Variants in DAB1 observed in about 807,000 individuals in gnomAD.
DAB1 encodes DAB adaptor protein 1.
A neutral mutation model predicts 64.6 loss-of-function variants in DAB1; 15 were observed. That is an observed-to-expected ratio of 0.23 (90% CI 0.16 to 0.36). The LOEUF (loss-of-function observed/expected upper bound fraction) is 0.36. DAB1 is among the 10% of genes least tolerant of loss of function. DAB1 has a pLI of 1.00. For synonymous variants in DAB1, 235 were observed against 251.9 expected, an observed-to-expected ratio of 0.93 and a Z score of 0.64; for missense variants, 596 against 706.7, an observed-to-expected ratio of 0.84 and a Z score of 1.78.
At chr1:57,545,185 T>C (rs1371239666) in intron 7 of DAB1, among the ~76,000 whole-genome samples, 1 of 152,196 alleles carries the variant, frequency 6.6e-6, no homozygotes, top group East Asian at 1.9e-4. Flanking sequence ...TCTACATTCA[T>C]GTCTTCTTAA....
chr1:58,431,720 C>G (rs1226721893), intron 3 of DAB1, among the ~76,000 whole-genome samples: 1 of 152,132 alleles, frequency 6.6e-6, no homozygotes, highest in African/African-American at 2.4e-5. Context: ...TAACAGTTAG[C>G]TCCCTTCTTC....
chr1:57,470,618 T>C (rs1218207032), intron 7 of DAB1, among the ~76,000 whole-genome samples: 2 of 152,200 alleles, frequency 1.3e-5, no homozygotes, highest in East Asian at 1.9e-4. Context: ...TGTAGGAGGA[T>C]AGAATTCCCT....
chr1:57,421,902 C>CGGG (rs1309675216), intron 1 of DAB1, among the ~76,000 whole-genome samples: 29 of 11,700 alleles, frequency 2.5e-3, no homozygotes, highest in South Asian at 9.3e-3. Context: ...TGGGGGGTGG[C>CGGG]GGGGGGGGGG....
At chr1:57,004,152 C>G (rs1004024618) in intron 14 of DAB1, among the ~76,000 whole-genome samples, 3 of 152,180 alleles carry the variant, frequency 2.0e-5, no homozygotes, top group South Asian at 2.1e-4. Flanking sequence ...ATACAGGAGA[C>G]AGTGGAGAGC....
chr1:58,027,461 CTTGT>C (rs1479531857), intron 5 of DAB1, among the ~76,000 whole-genome samples: 1 of 152,104 alleles, frequency 6.6e-6, no homozygotes, highest in African/African-American at 2.4e-5. Context: ...CAGTGGCTGA[CTTGT>C]TTCTTTAGTG....
intron 4 of DAB1, among the ~76,000 whole-genome samples, chr1:58,331,963 G>A (rs898861288): frequency 6.6e-6 from 1 of 152,022 alleles, no homozygotes; most frequent in African/African-American, 2.4e-5. Flanking sequence ...CCTCAAAAAC[G>A]TACCTTTTGA....
At chr1:58,498,899 A>C (rs1010260813) in intron 3 of DAB1, among the ~76,000 whole-genome samples, 3 of 152,224 alleles carry the variant, frequency 2.0e-5, no homozygotes, top group African/African-American at 7.2e-5. Flanking sequence ...AATAAGTATA[A>C]ATAACTGACG....
At chr1:58,163,339 G>A (rs1655646420) in intron 4 of DAB1, among the ~76,000 whole-genome samples, 1 of 152,196 alleles carries the variant, frequency 6.6e-6, no homozygotes, top group Non-Finnish European at 1.5e-5. Flanking sequence ...AATGACATTT[G>A]AGAGAAAGAC....
At position 58,122,285 on chromosome 1, in the gene DAB1, T is replaced by C. The variant is rs760212784; in HGVS notation, n.387+28226A>G. On this transcript the variant is annotated intron_variant and non_coding_transcript_variant, in intron 5 of 20. Transcript: ENST00000485760. ...ACTGACTGTGGACCCTAATTAATTG[T>C]TGCAACATGGCAAAGGGATTTGGAG... 2.0e-4 allele frequency among the ~76,000 whole-genome samples: 30 copies of C among 152,350 alleles called. No homozygotes were observed. The Middle Eastern group carries it at 0.014, about 69-fold the overall frequency.
At chr1:58,130,952 C>A (rs1385813426) in intron 5 of DAB1, among the ~76,000 whole-genome samples, 1 of 147,186 alleles carries the variant, frequency 6.8e-6, no homozygotes, top group East Asian at 2.0e-4. Context: ...TTGCTCTTCT[C>A]GAGGAGTATC....
intron 5 of DAB1, among the ~76,000 whole-genome samples, chr1:58,013,832 A>C (rs1324979591): frequency 6.6e-6 from 1 of 152,100 alleles, no homozygotes; most frequent in African/African-American, 2.4e-5. Flanking sequence ...ACACCACAAA[A>C]ACAGGCAAAT....
At chr1:57,557,453 CAT>C (rs1211844192) in intron 7 of DAB1, among the ~76,000 whole-genome samples, 1 of 151,030 alleles carries the variant, frequency 6.6e-6, no homozygotes, top group Non-Finnish European at 1.5e-5. Flanking sequence ...TATATGTATA[CAT>C]ATATATGTGT....
intron 4 of DAB1, among the ~76,000 whole-genome samples, chr1:58,290,937 T>C (rs1424902770): frequency 6.6e-6 from 1 of 151,910 alleles, no homozygotes; most frequent in Non-Finnish European, 1.5e-5. Flanking sequence ...AACCAGGAGA[T>C]CCACAAATCT....
rs537643883 is a variant in DAB1 at position 58,507,512 on chromosome 1, C to T, written n.108-1303G>A. Reference sequence around the variant, plus strand: ...TTTAAAGAAATATAATTCCTTAAGACCTCTGAGTATTCTAAGTTGAAAAGA... The same window carrying T: ...TTTAAAGAAATATAATTCCTTAAGATCTCTGAGTATTCTAAGTTGAAAAGA... On this transcript the variant is annotated intron_variant and non_coding_transcript_variant, in intron 2 of 20. Transcript: ENST00000485760. Among the ~76,000 whole-genome samples, 3 of 151,946 alleles carry T rather than the reference C, an allele frequency of 2.0e-5. No homozygotes were observed. The East Asian group carries it at 5.8e-4, about 29-fold the overall frequency.
chr1:58,074,927 AC>A (rs1353831809), intron 5 of DAB1, among the ~76,000 whole-genome samples: 1 of 152,060 alleles, frequency 6.6e-6, no homozygotes, highest in African/African-American at 2.4e-5. Flanking sequence ...AGGGATGCAG[AC>A]TCCAGCCTTC....
chr1:57,872,852 G>A (rs1208528661), intron 1 of DAB1, among the ~76,000 whole-genome samples: 5 of 152,174 alleles, frequency 3.3e-5, no homozygotes, highest in Non-Finnish European at 7.4e-5. Context: ...TGTGAAATGG[G>A]AAGTATGAAA....
intron 1 of DAB1, among the ~76,000 whole-genome samples, chr1:57,293,643 T>C (rs775627009): frequency 8.5e-5 from 13 of 152,198 alleles, no homozygotes; most frequent in Non-Finnish European, 1.6e-4. Flanking sequence ...TTGATACAAG[T>C]TAATTTTGCT....
chr1:57,082,190 G>C (rs1652616246), intron 4 of DAB1, among the ~76,000 whole-genome samples: 1 of 152,130 alleles, frequency 6.6e-6, no homozygotes, highest in Non-Finnish European at 1.5e-5. Flanking sequence ...TTTTGTGTTT[G>C]AGCATTTTCA....
intron 7 of DAB1, among the ~76,000 whole-genome samples, chr1:57,578,102 C>T (rs1042364865): frequency 6.6e-6 from 1 of 152,190 alleles, no homozygotes; most frequent in Non-Finnish European, 1.5e-5. Context: ...TTTCATTTAT[C>T]ATGCGAATGA....
Sources: allele counts gnomAD v4.1 joint callset (sites outside exome capture counted in the v4.1 genomes callset), GRCh38; gene constraint gnomAD v4.1.1; transcripts MANE v1.5; gene names NCBI Gene and HGNC (gene_info 2026-07-23, HGNC 2026-07-21).